The following PIKFYVE variants were observed in gnomAD, a reference collection of about 807,000 sequenced individuals.
PIKFYVE encodes 1-phosphatidylinositol 3-phosphate 5-kinase.
A neutral mutation model predicts 257.9 loss-of-function variants in PIKFYVE; 122 were observed. The observed-to-expected ratio is 0.47, with a 90% CI of 0.41 to 0.55. PIKFYVE has a LOEUF of 0.55. Ranked by LOEUF, PIKFYVE falls within the 20% of genes least tolerant of loss-of-function variation. The pLI, the probability that PIKFYVE is intolerant of heterozygous loss-of-function variation, is 0.00. For synonymous variants in PIKFYVE, 892 were observed against 868.9 expected (o/e 1.03, Z -0.47); for missense variants, 2,160 against 2,536.6 (o/e 0.85, Z 3.19).
chr2:208,280,701 A>G (rs941488219), intron 5 of PIKFYVE, among the ~76,000 whole-genome samples: 30 of 152,286 alleles, frequency 2.0e-4, no homozygotes, highest in African/African-American at 7.2e-4. Context: ...AAGTCTGGGA[A>G]TTGAGTGAAG....
chr2:208,276,805 A>G lies in PIKFYVE; in HGVS notation c.416A>G (p.Lys139Arg), dbSNP rs769681691. 6.2e-7 allele frequency: 1 copy of G among 1,613,562 alleles called. No homozygotes were observed. The highest frequency in any genetic ancestry group is 2.2e-5 in the East Asian group (1 of 44,872). ...RSLSTVLKRL[K>R]EIMEGKSQDS... ...CTCAGCACAGTATTAAAACGCCTCA[A>G]GGAAATCATGGAGGGGAAAAGCCAG... Residue 139 changes from lysine (K) to arginine (R), a missense_variant, in exon 4 of 42, where the codon AAG becomes AGG. Transcript: ENST00000264380.
intron 18 of PIKFYVE, 143 bp from the exon 19 acceptor site, chr2:208,324,768 G>T: frequency 9.9e-7 from 1 of 1,006,122 alleles, no homozygotes. Context: ...GAAGAATCCA[G>T]AATAAAAAAA....
Position 208,348,017 on chromosome 2 carries a change from C to G in PIKFYVE, c.5368C>G (p.Pro1790Ala). Residue 1790 changes from proline to alanine, a missense_variant, in exon 35 of 42, where the codon CCT becomes GCT. By Grantham distance (27) the Pro-to-Ala change is conservative. Transcript: ENST00000264380. ...GGGGACCGAGAATCAAGGCGTTGAG[C>G]CTCAAGGTGTGTTAAAGAAGAGTAA... Reference protein sequence around the residue: ...KEGTENQGVEPQDEVDGGDTQ... With the variant: ...KEGTENQGVEAQDEVDGGDTQ... 6.2e-7 allele frequency: 1 copy of G among 1,614,022 alleles called. No individual in the cohort carries two copies. The highest frequency in any genetic ancestry group is 2.2e-5 in the East Asian group (1 of 44,876).
intron 24 of PIKFYVE, among the ~76,000 whole-genome samples, chr2:208,334,146 G>T (rs1697866315): frequency 6.6e-6 from 1 of 152,220 alleles, no homozygotes; most frequent in South Asian, 2.1e-4. Context: ...TATATCAAGA[G>T]TCTGAGCACT....
intron 31 of PIKFYVE, 151 bp downstream of exon 31, chr2:208,340,282 A>G: frequency 9.7e-7 from 1 of 1,033,152 alleles, no homozygotes; most frequent in Non-Finnish European, 1.4e-6. Context: ...GATACAATGT[A>G]ATTTGTAGAA....
chr2:208,282,380 G>T (rs867989666), intron 5 of PIKFYVE, among the ~76,000 whole-genome samples: 5 of 152,184 alleles, frequency 3.3e-5, no homozygotes, highest in Admixed American at 2.6e-4. Context: ...AGGTTCTCCA[G>T]AGAAACAGAA....
intron 4 of PIKFYVE, 148 bp downstream of exon 4, chr2:208,276,978 A>G: frequency 1.6e-6 from 1 of 641,084 alleles, no homozygotes; most frequent in South Asian, 2.0e-5. Context: ...ATAAGTTCTT[A>G]ATTTTATTGT....
intron 16 of PIKFYVE, among the ~76,000 whole-genome samples, chr2:208,318,689 C>T (rs1328999688): frequency 6.6e-6 from 1 of 151,994 alleles, no homozygotes. Context: ...AGGCACTAGG[C>T]TGAGTGTGTA....
At chr2:208,297,924 T>C (rs898074982) in intron 7 of PIKFYVE, among the ~76,000 whole-genome samples, 2 of 152,202 alleles carry the variant, frequency 1.3e-5, no homozygotes, top group Non-Finnish European at 2.9e-5. Context: ...ACTGATATTA[T>C]GAGAAGAAAC....
intron 34 of PIKFYVE, among the ~76,000 whole-genome samples, chr2:208,347,138 C>T (rs1431746251): frequency 6.6e-6 from 1 of 152,184 alleles, no homozygotes; most frequent in Non-Finnish European, 1.5e-5. Flanking sequence ...GGTGGGGAAC[C>T]AGGTAGGAGT....
chr2:208,351,827 C>T (rs1056221961), intron 38 of PIKFYVE, among the ~76,000 whole-genome samples: 1 of 152,122 alleles, frequency 6.6e-6, no homozygotes, highest in Admixed American at 6.5e-5. Flanking sequence ...AGGACGGCAC[C>T]AAGCCATGTA....
intron 17 of PIKFYVE, among the ~76,000 whole-genome samples, chr2:208,320,824 G>A (rs4290590): frequency 0.037 from 5,689 of 152,270 alleles, 334 homozygotes; most frequent in African/African-American, 0.13. Context: ...ATAACCCTCA[G>A]CTGGAAAGGA....
rs529820726 is a variant in PIKFYVE at position 208,269,641 on chromosome 2, A to G, written c.-9-1870A>G. The G allele has an allele frequency of 2.7e-5, 7 of 257,064 alleles. No homozygotes were observed. The East Asian group carries it at 6.8e-4, about 25-fold the overall frequency. 15.9% of individuals were successfully genotyped at this position (257,064 alleles called of 1,614,324 possible). The stretch of plus-strand genomic sequence containing the variant: ...ACTCTTGGGGTTCCCCAGGACCTTC[A>G]TCACCTTGGCACTGGTGAGGTTCTG... On this transcript the variant is annotated intron_variant, in intron 1 of 41. Coordinates refer to ENST00000264380, the MANE Select transcript of PIKFYVE (RefSeq NM_015040.4).
At chr2:208,348,764 C>T (rs371436653) in intron 35 of PIKFYVE, among the ~76,000 whole-genome samples, 1 of 152,024 alleles carries the variant, frequency 6.6e-6, no homozygotes, top group African/African-American at 2.4e-5. Context: ...GTTGCTTTCA[C>T]TTTATATTGG....
At chr2:208,300,784 T>A (rs1693585113) in intron 8 of PIKFYVE, among the ~76,000 whole-genome samples, 153 bp from the exon 9 acceptor site, 1 of 152,242 alleles carries the variant, frequency 6.6e-6, no homozygotes, top group African/African-American at 2.4e-5. Context: ...TGTTCCCACG[T>A]ATATGACATT....
chr2:208,342,532 T>G (rs1209771446), intron 31 of PIKFYVE, 22 bp from the exon 32 acceptor site: 3 of 1,565,610 alleles, frequency 1.9e-6, no homozygotes, highest in Admixed American at 3.3e-5. Context: ...AGTTAACTTA[T>G]GTATTTTAAA....
chr2:208,323,989 T>G (rs1043028281), intron 17 of PIKFYVE, among the ~76,000 whole-genome samples, 153 bp from the exon 18 acceptor site: 13 of 152,078 alleles, frequency 8.5e-5, no homozygotes, highest in Non-Finnish European at 1.6e-4. Context: ...TGTTTGAGTT[T>G]TTTGTAGATT....
At chr2:208,328,554 T>C (rs777207447) in intron 21 of PIKFYVE, among the ~76,000 whole-genome samples, 7 of 152,216 alleles carry the variant, frequency 4.6e-5, no homozygotes, top group Non-Finnish European at 8.8e-5. Context: ...TTATCTGAAA[T>C]GCTTGGGACC....
In PIKFYVE at chr2:208,304,230, A is replaced by T; in HGVS notation, c.1380A>T (p.Gly460=). ...GTGACTCAGTGAACTCCGTGGAAGG[A>T]CACTCTGAGCCATCCTGGTTTAAAG... ...PDSDSVNSVE[G]HSEPSWFKDI... The change falls in exon 11 of 42, where the codon GGA becomes GGT. Residue 460 remains glycine, a synonymous_variant. Coordinates refer to ENST00000264380, the MANE Select transcript of PIKFYVE (RefSeq NM_015040.4). 1.2e-6 allele frequency: 2 copies of T among 1,614,038 alleles called. No homozygotes were observed. The highest frequency in any genetic ancestry group is 2.2e-5 in the South Asian group (2 of 91,080).
Sources: gnomAD v4.1 joint callset for allele counts (sites outside exome capture counted in the v4.1 genomes callset) on GRCh38, gnomAD v4.1.1 for gene constraint, MANE v1.5 for transcripts, NCBI Gene and HGNC (gene_info 2026-07-23, HGNC 2026-07-21) for gene names.